ZFYVE28: variants seen among roughly 807,000 people sequenced by gnomAD.
ZFYVE28 encodes zinc finger FYVE-type containing 28, also known as lateral signaling target protein 2 homolog.
In ZFYVE28, 40 loss-of-function variants were observed where a neutral mutation model predicts 82.1. That is an observed-to-expected ratio of 0.49 (90% CI 0.38 to 0.63). The LOEUF (loss-of-function observed/expected upper bound fraction) is 0.63. ZFYVE28 is among the 30% of genes least tolerant of loss of function. ZFYVE28 has a pLI of 0.00. For missense variants in ZFYVE28, 1,321 were observed against 1,242.1 expected (o/e 1.06, Z -0.96); for synonymous variants, 612 against 546.1 (o/e 1.12, Z -1.68).
At chr4:2,318,669 T>C (rs1718599608) in intron 7 of ZFYVE28, among the ~76,000 whole-genome samples, 1 of 152,192 alleles carries the variant, frequency 6.6e-6, no homozygotes, top group Non-Finnish European at 1.5e-5. Context: ...GGTGCACACC[T>C]GGGTCCCCGC....
At chr4:2,316,224 G>T (rs1182979627) in intron 7 of ZFYVE28, 1 of 151,648 alleles carries the variant, frequency 6.6e-6, no homozygotes, top group African/African-American at 2.4e-5. Flanking sequence ...ATGTTGTCCT[G>T]GCTGGAGTGC....
intron 7 of ZFYVE28, among the ~76,000 whole-genome samples, chr4:2,315,978 T>A (rs902038729): frequency 1.2e-4 from 18 of 152,160 alleles, no homozygotes; most frequent in African/African-American, 4.3e-4. Context: ...TGTTTCTTGT[T>A]GTTTTTCCCC....
intron 8 of ZFYVE28, among the ~76,000 whole-genome samples, chr4:2,292,343 C>A (rs1713854588): frequency 6.6e-6 from 1 of 152,168 alleles, no homozygotes; most frequent in Admixed American, 6.5e-5. Flanking sequence ...GGCTCCATGC[C>A]AAAGGGACAG....
intron 1 of ZFYVE28, among the ~76,000 whole-genome samples, chr4:2,377,905 C>G (rs1440003235): frequency 2.0e-5 from 3 of 152,218 alleles, no homozygotes; most frequent in Admixed American, 2.0e-4. Context: ...CTCCGACAGA[C>G]CTAGGCTACA....
chr4:2,360,150 G>A (rs750362815), intron 1 of ZFYVE28, among the ~76,000 whole-genome samples: 1 of 151,908 alleles, frequency 6.6e-6, no homozygotes, highest in African/African-American at 2.4e-5. Flanking sequence ...CCTGAACAGC[G>A]TGTCCAAAGC....
intron 2 of ZFYVE28, among the ~76,000 whole-genome samples, chr4:2,345,572 C>T (rs1311495140): frequency 6.6e-6 from 1 of 151,586 alleles, no homozygotes; most frequent in Non-Finnish European, 1.5e-5. Context: ...CTTCAAAGAT[C>T]AAATATGGAT....
chr4:2,406,971 G>A (rs1431310635), intron 1 of ZFYVE28, among the ~76,000 whole-genome samples: 5 of 151,988 alleles, frequency 3.3e-5, no homozygotes, highest in Admixed American at 6.5e-5. Context: ...CAGCCTTATT[G>A]CAAACCATCA....
At chr4:2,363,321 G>A (rs1369422411) in intron 1 of ZFYVE28, among the ~76,000 whole-genome samples, 4 of 152,114 alleles carry the variant, frequency 2.6e-5, no homozygotes, top group Non-Finnish European at 2.9e-5. Context: ...CTGAGGACGC[G>A]GCATCCAGAG....
At chr4:2,345,038 C>T (rs1287140930) in intron 2 of ZFYVE28, among the ~76,000 whole-genome samples, 5 of 151,738 alleles carry the variant, frequency 3.3e-5, no homozygotes, top group African/African-American at 4.8e-5. Context: ...AGTGAAACCC[C>T]GTCTCTACTA....
intron 6 of ZFYVE28, among the ~76,000 whole-genome samples, chr4:2,327,268 ATATATATATATATATATATATAT>A (rs1368096156): frequency 4.5e-5 from 1 of 22,372 alleles, no homozygotes; most frequent in African/African-American, 1.8e-4. Context: ...ATATATATAT[ATATATATATATATATATATATAT>A]ATATATATAT....
At chr4:2,294,751 C>A (rs1017509228) in intron 8 of ZFYVE28, among the ~76,000 whole-genome samples, 1 of 151,892 alleles carries the variant, frequency 6.6e-6, no homozygotes, top group African/African-American at 2.4e-5. Context: ...GATAAACAAC[C>A]CAAGTGAAAG....
chr4:2,335,309 C>T lies in ZFYVE28; in HGVS notation c.701+396G>A, dbSNP rs910892408. Among the ~76,000 whole-genome samples, 7 of 152,166 alleles carry T rather than the reference C, an allele frequency of 4.6e-5. No homozygotes were observed. Among genetic ancestry groups the T allele is most frequent in the South Asian group, 2.1e-4 (1 of 4,830 alleles). On this transcript the variant is annotated intron_variant, in intron 6 of 12. Coordinates refer to ENST00000290974, the MANE Select transcript of ZFYVE28 (RefSeq NM_020972.3). This position sits in a 1 kb window ranked among gnomAD's most constrained non-coding sequence, Gnocchi z 5.8. ...CTCCTGAGGGACCCGGGGGGCAGCTCGTCCTCTTGTTACCACCAAGTCTGC... is the reference window on the plus strand; with the variant it reads ...CTCCTGAGGGACCCGGGGGGCAGCTTGTCCTCTTGTTACCACCAAGTCTGC...
rs532719649 is a variant in ZFYVE28, at chr4:2,344,463, C to T, written c.181-2848G>A. 3.3e-5 allele frequency among the ~76,000 whole-genome samples: 5 copies of T among 152,324 alleles called. No individual in the cohort carries two copies. The South Asian group carries it at 1.0e-3, about 32-fold the overall frequency. On this transcript the variant is annotated intron_variant, in intron 2 of 12. Transcript: ENST00000290974. ...TAAACACAGCTCTGGTCCTGCCTAA[C>T]ACCTTAAAAATAAGACCCAAAGGAA...
rs1715377727 is a variant in ZFYVE28, at chr4:2,300,738, T to C, written c.2051+3551A>G. 1.3e-5 allele frequency among the ~76,000 whole-genome samples: 2 copies of C among 152,018 alleles called. No individual in the cohort carries two copies. The highest frequency in any genetic ancestry group is 4.2e-4 in the South Asian group (2 of 4,806). ...GCTGGTCGGCCGCAGCTCCACACAT[T>C]TCCTTCATTTGCAGTACACGGAGAC... On this transcript the variant is annotated intron_variant, in intron 8 of 12. Coordinates refer to ENST00000290974, the MANE Select transcript of ZFYVE28 (RefSeq NM_020972.3). The surrounding 1 kb of genome is among the most constrained non-coding windows in gnomAD (Gnocchi z 4.6).
At chr4:2,329,881 G>T (rs73797723) in intron 6 of ZFYVE28, among the ~76,000 whole-genome samples, 4 of 151,982 alleles carry the variant, frequency 2.6e-5, no homozygotes, top group Non-Finnish European at 5.9e-5. Flanking sequence ...AATACTTCGG[G>T]GATAATCTTT....
At chr4:2,366,025 T>TCACTCA (rs1201471796) in intron 1 of ZFYVE28, among the ~76,000 whole-genome samples, 1 of 152,018 alleles carries the variant, frequency 6.6e-6, no homozygotes, top group Non-Finnish European at 1.5e-5. Flanking sequence ...CCGGCCTCAC[T>TCACTCA]GTGAACTCAG....
rs779519723 is a variant in ZFYVE28 at position 2,372,385 on chromosome 4, C to T, written c.40-18312G>A. ...CGCCGCCTCCTGCCACCACCGCTCC[C>T]GCCATCCTCCTTCTAGTCCTCAGCA... On this transcript the variant is annotated intron_variant, in intron 1 of 12. Transcript: ENST00000290974. The surrounding 1 kb of genome is among the most constrained non-coding windows in gnomAD (Gnocchi z 5.2). 2.6e-5 allele frequency among the ~76,000 whole-genome samples: 4 copies of T among 152,124 alleles called. No individual in the cohort carries two copies. Among genetic ancestry groups the T allele is most frequent in the Non-Finnish European group, 2.9e-5 (2 of 67,996 alleles).
intron 3 of ZFYVE28, among the ~76,000 whole-genome samples, chr4:2,340,741 T>C (rs1384182821): frequency 6.6e-6 from 1 of 152,026 alleles, no homozygotes; most frequent in Non-Finnish European, 1.5e-5. Context: ...CGCGGGCCCC[T>C]GTAACTAACC....
At chr4:2,340,978 G>A (rs1314884684) in intron 3 of ZFYVE28, among the ~76,000 whole-genome samples, 1 of 152,052 alleles carries the variant, frequency 6.6e-6, no homozygotes, top group Non-Finnish European at 1.5e-5. Context: ...GCATGGTGGG[G>A]GCCTGGGGGA....
Sources: allele counts gnomAD v4.1 joint callset (sites outside exome capture counted in the v4.1 genomes callset), GRCh38; gene constraint gnomAD v4.1.1; non-coding constraint Gnocchi (gnomAD v3.1); transcripts MANE v1.5; gene names NCBI Gene and HGNC (gene_info 2026-07-23, HGNC 2026-07-21).